The following ARHGAP15 variants were observed in gnomAD, a reference collection of about 807,000 sequenced individuals.
ARHGAP15 encodes rho GTPase-activating protein 15.
A neutral mutation model predicts 63.7 loss-of-function variants in ARHGAP15; 51 were observed. The observed-to-expected ratio is 0.80, with a 90% CI of 0.64 to 1.01. The LOEUF (loss-of-function observed/expected upper bound fraction) is 1.01. ARHGAP15 is among the 50% of genes least tolerant of loss of function. ARHGAP15 has a pLI of 0.00. For synonymous variants in ARHGAP15, 191 were observed against 193.8 expected, an observed-to-expected ratio of 0.99 and a Z score of 0.12; for missense variants, 560 against 564.6, an observed-to-expected ratio of 0.99 and a Z score of 0.08.
intron 6 of ARHGAP15, among the ~76,000 whole-genome samples, chr2:143,360,514 AT>A (rs947476999): frequency 2.9e-4 from 44 of 152,102 alleles, no homozygotes; most frequent in East Asian, 1.4e-3. Context: ...AAAAAAAAAA[AT>A]GATCTTTAAT....
At chr2:143,181,753 A>G (rs182462376) in intron 2 of ARHGAP15, among the ~76,000 whole-genome samples, 1 of 152,304 alleles carries the variant, frequency 6.6e-6, no homozygotes, top group East Asian at 1.9e-4. Flanking sequence ...AGACCACTCA[A>G]ACTTTCTTCA....
At chr2:143,259,109 A>G (rs2105009011) in intron 6 of ARHGAP15, among the ~76,000 whole-genome samples, 1 of 152,156 alleles carries the variant, frequency 6.6e-6, no homozygotes, top group East Asian at 1.9e-4. Context: ...AGCTTCTGAT[A>G]TTTGAGATCT....
At chr2:143,612,262 A>G (rs1238778746) in intron 11 of ARHGAP15, among the ~76,000 whole-genome samples, 1 of 152,198 alleles carries the variant, frequency 6.6e-6, no homozygotes, top group Non-Finnish European at 1.5e-5. Context: ...CCTCTTTGCT[A>G]GAACAGTGGT....
intron 5 of ARHGAP15, among the ~76,000 whole-genome samples, chr2:143,245,322 A>C (rs565498781): frequency 6.6e-6 from 1 of 152,328 alleles, no homozygotes; most frequent in Admixed American, 6.5e-5. Context: ...TTCCATGGCC[A>C]AGAAACAAGA....
intron 12 of ARHGAP15, among the ~76,000 whole-genome samples, chr2:143,651,346 GTTTAT>G (rs1681153513): frequency 6.6e-6 from 1 of 151,866 alleles, no homozygotes; most frequent in African/African-American, 2.4e-5. Flanking sequence ...TTTTTATCTG[GTTTAT>G]TTTATGTAGA....
chr2:143,673,663 G>A (rs982693521), intron 12 of ARHGAP15, among the ~76,000 whole-genome samples: 3 of 146,076 alleles, frequency 2.1e-5, no homozygotes, highest in Non-Finnish European at 4.5e-5. Context: ...AAAATGAAAA[G>A]GCAAGCCTTA....
At chr2:143,216,225 A>T (rs1558819428) in intron 3 of ARHGAP15, among the ~76,000 whole-genome samples, 159 bp from the exon 4 acceptor site, 2 of 152,204 alleles carry the variant, frequency 1.3e-5, no homozygotes, top group Non-Finnish European at 2.9e-5. Flanking sequence ...AATGACTATG[A>T]TTTTGCAGGC....
chr2:143,133,214 A>T (rs1688981137), intron 1 of ARHGAP15, among the ~76,000 whole-genome samples: 2 of 152,220 alleles, frequency 1.3e-5, no homozygotes, highest in African/African-American at 4.8e-5. Flanking sequence ...GATGAGAAAC[A>T]TTGCAAGGGA....
chr2:143,243,663 G>C (rs907119686), intron 5 of ARHGAP15, among the ~76,000 whole-genome samples: 1 of 151,964 alleles, frequency 6.6e-6, no homozygotes, highest in Admixed American at 6.6e-5. Context: ...TTAATTTCAG[G>C]CTTCTTGAAT....
At chr2:143,316,172 A>T (rs1409330657) in intron 6 of ARHGAP15, among the ~76,000 whole-genome samples, 1 of 152,180 alleles carries the variant, frequency 6.6e-6, no homozygotes, top group Non-Finnish European at 1.5e-5. Context: ...GGCATTATTT[A>T]AGAAAATCAG....
chr2:143,361,562 T>C (rs1686054673), intron 6 of ARHGAP15, among the ~76,000 whole-genome samples: 1 of 152,168 alleles, frequency 6.6e-6, no homozygotes, highest in South Asian at 2.1e-4. Context: ...CAGTTTTTGC[T>C]GACCAAATTC....
At chr2:143,237,946 TA>T (rs907729241) in intron 5 of ARHGAP15, 1 of 152,310 alleles carries the variant, frequency 6.6e-6, no homozygotes, top group African/African-American at 2.4e-5. Flanking sequence ...TTTTACTTTT[TA>T]AAAATTATAT....
intron 6 of ARHGAP15, among the ~76,000 whole-genome samples, chr2:143,422,897 A>C (rs1405724893): frequency 6.6e-6 from 1 of 152,082 alleles, no homozygotes; most frequent in African/African-American, 2.4e-5. Flanking sequence ...CAGCTACAGA[A>C]ATGAGCTTTG....
intron 12 of ARHGAP15, among the ~76,000 whole-genome samples, chr2:143,690,089 CTT>C (rs1683525774): frequency 6.6e-6 from 1 of 152,212 alleles, no homozygotes; most frequent in African/African-American, 2.4e-5. Flanking sequence ...AAATCAGACA[CTT>C]GAAGAAATAT....
intron 4 of ARHGAP15, among the ~76,000 whole-genome samples, chr2:143,223,457 T>C (rs1574112743): frequency 6.6e-6 from 1 of 152,164 alleles, no homozygotes; most frequent in Non-Finnish European, 1.5e-5. Context: ...GTTACCCCTT[T>C]AGTCTATCCA....
At chr2:143,414,033 G>GA (rs904821002) in intron 6 of ARHGAP15, among the ~76,000 whole-genome samples, 2 of 150,296 alleles carry the variant, frequency 1.3e-5, no homozygotes, top group Admixed American at 6.6e-5. Flanking sequence ...TTGCTTGATG[G>GA]AAAAAAATGA....
At chr2:143,707,113 G>A (rs1455012965) in intron 13 of ARHGAP15, among the ~76,000 whole-genome samples, 2 of 152,166 alleles carry the variant, frequency 1.3e-5, no homozygotes, top group African/African-American at 2.4e-5. Flanking sequence ...ATTGCATGAT[G>A]TGCTCAGTGT....
At position 143,662,110 on chromosome 2, in the gene ARHGAP15, G is replaced by C. The variant is rs1240148717; in HGVS notation, c.1138+37843G>C. Among the ~76,000 whole-genome samples the C allele has an allele frequency of 2.0e-5, 3 of 152,234 alleles. No homozygotes were observed. The East Asian group carries it at 5.8e-4, about 29-fold the overall frequency. On this transcript the variant is annotated intron_variant, in intron 12 of 13. Coordinates refer to ENST00000295095, the MANE Select transcript of ARHGAP15 (RefSeq NM_018460.4). ...GCCTGCCTCTGTAGGCTCCACCTCT[G>C]GGGGCAGGGCACAGACAAACAAAAA...
chr2:143,591,632 T>TTTTTTTTTTC (rs1559068617), intron 11 of ARHGAP15, among the ~76,000 whole-genome samples: 2 of 146,846 alleles, frequency 1.4e-5, no homozygotes, highest in African/African-American at 2.6e-5. Context: ...TTTTTCTTTT[T>TTTTTTTTTTC]TTTTTTAGAG....
Sources: gnomAD v4.1 joint callset for allele counts (sites outside exome capture counted in the v4.1 genomes callset) on GRCh38, gnomAD v4.1.1 for gene constraint, MANE v1.5 for transcripts, NCBI Gene and HGNC (gene_info 2026-07-23, HGNC 2026-07-21) for gene names.